NR2C1: variants seen among roughly 807,000 people sequenced by gnomAD.
The protein encoded by NR2C1 is TR2 nuclear hormone receptor.
A neutral mutation model predicts 74.8 loss-of-function variants in NR2C1; 33 were observed. The observed-to-expected ratio is 0.44, with a 90% CI of 0.33 to 0.59. NR2C1 has a LOEUF of 0.59. Ranked by LOEUF, NR2C1 falls within the 20% of genes least tolerant of loss-of-function variation. The pLI is 0.02. For synonymous variants in NR2C1, 225 were observed against 240.6 expected, an observed-to-expected ratio of 0.94 and a Z score of 0.60; for missense variants, 568 against 715.6, an observed-to-expected ratio of 0.79 and a Z score of 2.35.
At chr12:95,057,942 C>A in intron 5 of NR2C1, 64 bp from the exon 6 acceptor site, 1 of 1,427,002 alleles carries the variant, frequency 7.0e-7, no homozygotes, top group Non-Finnish European at 9.8e-7. Context: ...GAAATGTAAG[C>A]TGTAGGTAAG....
intron 12 of NR2C1, among the ~76,000 whole-genome samples, chr12:95,026,652 A>G (rs945210430): frequency 2.0e-5 from 3 of 152,258 alleles, no homozygotes; most frequent in East Asian, 1.9e-4. Context: ...TTACTAACTC[A>G]TAAGAAACAT....
Position 95,020,695 on chromosome 12 carries a change from A to G in NR2C1, c.*1534T>C, listed in dbSNP as rs144746482. ...ACAAAAAATGTACTCTGAGTGCATT[A>G]TCCGTGTTTGCTTTAAAAATCAACA... is the stretch of plus-strand genomic sequence containing the variant. On this transcript the variant is annotated 3_prime_UTR_variant, in exon 14 of 14. Transcript: ENST00000333003. 7.9e-5 allele frequency: 12 copies of G among 152,360 alleles called. No individual in the cohort carries two copies. Among genetic ancestry groups the G allele is most frequent in the Middle Eastern group, 3.4e-3 (1 of 294 alleles). The allele number at this position is 152,360 out of a possible 1,614,324, so 9.4% of individuals were successfully genotyped here.
chr12:95,040,672 TA>T, intron 9 of NR2C1, 75 bp from the exon 10 acceptor site: 1 of 1,373,188 alleles, frequency 7.3e-7, no homozygotes, highest in Admixed American at 2.1e-5. Context: ...TGAAAAAGTT[TA>T]AACGTAACAC....
At chr12:95,050,516 C>A (rs922557556) in intron 8 of NR2C1, among the ~76,000 whole-genome samples, 6 of 152,058 alleles carry the variant, frequency 3.9e-5, no homozygotes, top group African/African-American at 1.4e-4. Context: ...ACCATGTTGG[C>A]CAGGCTGGTC....
At chr12:95,025,510 TAGCC>T (rs1869246702) in intron 12 of NR2C1, among the ~76,000 whole-genome samples, 1 of 151,152 alleles carries the variant, frequency 6.6e-6, no homozygotes, top group Non-Finnish European at 1.5e-5. Context: ...AATACAAAAT[TAGCC>T]AGGCATGGTG....
chr12:95,057,989 A>C (rs542394888), intron 5 of NR2C1, 111 bp from the exon 6 acceptor site: 1 of 926,568 alleles, frequency 1.1e-6, no homozygotes, highest in Admixed American at 2.4e-5. Flanking sequence ...CTACCATACT[A>C]AACTCCAAAG....
At chr12:95,062,241 T>C (rs543205366) in intron 3 of NR2C1, among the ~76,000 whole-genome samples, 1 of 152,340 alleles carries the variant, frequency 6.6e-6, no homozygotes, top group African/African-American at 2.4e-5. Context: ...AAGCTCTCTG[T>C]ATCCTTTATT....
chr12:95,072,455 CAAAAAAAAAAA>C (rs570185714), intron 1 of NR2C1, among the ~76,000 whole-genome samples: 3 of 60,312 alleles, frequency 5.0e-5, no homozygotes, highest in African/African-American at 1.8e-4. Context: ...CTCTCCCTCT[CAAAAAAAAAAA>C]AAAAAAAAGA....
At chr12:95,042,285 G>C (rs998438310) in intron 9 of NR2C1, among the ~76,000 whole-genome samples, 1 of 147,382 alleles carries the variant, frequency 6.8e-6, no homozygotes, top group African/African-American at 2.5e-5. Context: ...GCAGTGGCGT[G>C]ATCTCAGCTC....
intron 3 of NR2C1, among the ~76,000 whole-genome samples, chr12:95,060,641 C>T (rs956618577): frequency 6.6e-6 from 1 of 152,134 alleles, no homozygotes; most frequent in African/African-American, 2.4e-5. Flanking sequence ...GGAGACAGAA[C>T]GAGACTCCAT....
chr12:95,049,040 A>G (rs1477751154), intron 9 of NR2C1, 28 bp downstream of exon 9: 2 of 1,599,772 alleles, frequency 1.3e-6, no homozygotes, highest in Non-Finnish European at 1.7e-6. Context: ...AACACAACAT[A>G]CAAGTTAAAA....
At chr12:95,056,040 G>A (rs1363362835) in intron 7 of NR2C1, among the ~76,000 whole-genome samples, 1 of 151,972 alleles carries the variant, frequency 6.6e-6, no homozygotes, top group Non-Finnish European at 1.5e-5. Context: ...GCTGAGGTGG[G>A]AGGGTCACTT....
intron 2 of NR2C1, 69 bp from the exon 3 acceptor site, chr12:95,062,807 A>G (rs1874998204): frequency 8.6e-7 from 1 of 1,163,232 alleles, no homozygotes. Context: ...TTATCTTCTT[A>G]GAAAAGCACA....
chr12:95,057,858 G>A lies in NR2C1; in HGVS notation c.565C>T (p.Pro189Ser). The change falls in exon 6 of 14, where the codon CCC (proline) becomes TCC (serine). Residue 189 changes from proline (P) to serine (S), a missense_variant. Pro to Ser is a moderately conservative substitution (Grantham distance 74). Around this residue, in one of 6 missense-constraint regions of NR2C1, gnomAD observed 239 missense variants for 232.3 expected, o/e 1.03. Transcript: ENST00000333003. ...KQDSVQCERK[P>S]IEVSREKSSN... ...GATTTTTCTCGTGATACTTCAATGG[G>A]TTTTCTTTCACATTGGACAGCTACA... 6.2e-7 allele frequency: 1 copy of A among 1,613,556 alleles called. No individual in the cohort carries two copies.
chr12:95,055,904 G>A (rs944311978), intron 7 of NR2C1, among the ~76,000 whole-genome samples: 2 of 136,942 alleles, frequency 1.5e-5, no homozygotes, highest in Admixed American at 1.7e-4. Flanking sequence ...AGTGAGCCGA[G>A]ATCGGGACAC....
At chr12:95,064,439 AG>A (rs1336917631) in intron 2 of NR2C1, among the ~76,000 whole-genome samples, 1 of 152,168 alleles carries the variant, frequency 6.6e-6, no homozygotes, top group Non-Finnish European at 1.5e-5. Flanking sequence ...AATACTGACC[AG>A]GAACAGGGTA....
intron 2 of NR2C1, chr12:95,063,035 G>A (rs1320705703): frequency 7.6e-6 from 3 of 392,836 alleles, no homozygotes; most frequent in East Asian, 1.0e-4. Context: ...CTGCATACTG[G>A]GATGTAGCAG....
At chr12:95,073,220 G>C (rs1410266019) in intron 1 of NR2C1, among the ~76,000 whole-genome samples, 160 bp downstream of exon 1, 1 of 152,210 alleles carries the variant, frequency 6.6e-6, no homozygotes, top group Non-Finnish European at 1.5e-5. Context: ...CCGAAGTCGA[G>C]CAGCCCCAAG....
intron 11 of NR2C1, chr12:95,030,703 C>G (rs1442562262): frequency 6.2e-7 from 1 of 1,601,218 alleles, no homozygotes; most frequent in African/African-American, 1.4e-5. Context: ...TGCTAAAGAA[C>G]TAAAAGGTAG....
Sources: allele counts gnomAD v4.1 joint callset (sites outside exome capture counted in the v4.1 genomes callset), GRCh38; gene constraint gnomAD v4.1.1; regional missense constraint gnomAD v4.1.1; transcripts MANE v1.5; gene names NCBI Gene and HGNC (gene_info 2026-07-23, HGNC 2026-07-21).